RPRD1B: variants seen among roughly 807,000 people sequenced by gnomAD.
RPRD1B encodes regulation of nuclear pre-mRNA domain-containing protein 1B.
A neutral mutation model predicts 41.5 loss-of-function variants in RPRD1B; 11 were observed. The observed-to-expected ratio is 0.27, with a 90% CI of 0.17 to 0.44. The LOEUF is 0.44. Among genes scored for constraint, RPRD1B ranks in the 20% least tolerant of loss-of-function variants. The pLI, the probability that RPRD1B is intolerant of heterozygous loss-of-function variation, is 1.00. For synonymous variants in RPRD1B, 158 were observed against 155.6 expected (o/e 1.02, Z -0.12); for missense variants, 248 against 389.9 (o/e 0.64, Z 3.06).
At position 38,035,424 on chromosome 20, in the gene RPRD1B, C is replaced by T. The variant is rs578000512; in HGVS notation, c.151+1326C>T. Reference sequence around the variant, plus strand: ...TCTACAGGTGAGGAAACTGAAGTGGCTAAGTGGTATTTTCAAGGCTTTCGA... The same window carrying T: ...TCTACAGGTGAGGAAACTGAAGTGGTTAAGTGGTATTTTCAAGGCTTTCGA... On this transcript the variant is annotated intron_variant, in intron 1 of 6. Coordinates refer to ENST00000373433, the MANE Select transcript of RPRD1B (RefSeq NM_021215.4). Among the ~76,000 whole-genome samples, 3 of 152,324 alleles carry T rather than the reference C, an allele frequency of 2.0e-5. No homozygotes were observed. The South Asian group carries it at 6.2e-4, about 32-fold the overall frequency.
intron 6 of RPRD1B, among the ~76,000 whole-genome samples, chr20:38,072,127 C>T (rs1364548187): frequency 6.6e-6 from 1 of 152,054 alleles, no homozygotes; most frequent in Non-Finnish European, 1.5e-5. Flanking sequence ...GTGTTTTCTT[C>T]TAGAAGTTTT....
intron 1 of RPRD1B, among the ~76,000 whole-genome samples, chr20:38,038,468 C>G (rs2074026359): frequency 6.7e-6 from 1 of 150,002 alleles, no homozygotes; most frequent in African/African-American, 2.5e-5. Flanking sequence ...TGGCACCACG[C>G]CCGGCTGATT....
intron 5 of RPRD1B, among the ~76,000 whole-genome samples, chr20:38,061,491 C>T (rs966944319): frequency 8.5e-5 from 13 of 152,228 alleles, no homozygotes; most frequent in African/African-American, 3.1e-4. Flanking sequence ...TAGCCAAGGC[C>T]ATTGCTCCAA....
chr20:38,088,226 C>A (rs1015896970), intron 6 of RPRD1B, among the ~76,000 whole-genome samples: 1 of 152,198 alleles, frequency 6.6e-6, no homozygotes, highest in Admixed American at 6.5e-5. Context: ...ACAACTTGAA[C>A]TAAGTATTCT....
intron 3 of RPRD1B, among the ~76,000 whole-genome samples, chr20:38,051,613 T>C (rs1037718990): frequency 3.3e-5 from 5 of 152,248 alleles, no homozygotes; most frequent in African/African-American, 1.2e-4. Context: ...AAAGCTGATA[T>C]TCTTCACACT....
intron 2 of RPRD1B, among the ~76,000 whole-genome samples, chr20:38,043,192 G>A (rs532866922): frequency 1.3e-5 from 2 of 152,336 alleles, no homozygotes; most frequent in African/African-American, 4.8e-5. Flanking sequence ...AGGTAGTGTG[G>A]TTCAGGAAGG....
intron 6 of RPRD1B, among the ~76,000 whole-genome samples, chr20:38,075,051 G>A (rs911976227): frequency 5.3e-5 from 8 of 152,180 alleles, no homozygotes; most frequent in Non-Finnish European, 7.3e-5. Context: ...GCACTTGTAT[G>A]TTTCTGTCTC....
intron 4 of RPRD1B, among the ~76,000 whole-genome samples, chr20:38,058,807 A>C (rs150091733): frequency 1.2e-3 from 184 of 152,240 alleles, no homozygotes; most frequent in Non-Finnish European, 2.4e-3. Flanking sequence ...CTGGGGCTCA[A>C]GTGATACTCC....
intron 5 of RPRD1B, among the ~76,000 whole-genome samples, chr20:38,061,867 C>T (rs144482761): frequency 6.6e-6 from 1 of 152,132 alleles, no homozygotes; most frequent in African/African-American, 2.4e-5. Flanking sequence ...CCTGACCCCC[C>T]ACCCCGCAAA....
In RPRD1B at chr20:38,034,100, T is replaced by TA. The variant is rs757264961; in HGVS notation, c.151+5dup. ...TGTGGCACCGCGAGCTCCGCAAAGG[T>TA]AAACACCAAATCCCCACCCCCTGGA... On this transcript the variant is annotated splice_region_variant and intron_variant, in intron 1 of 6. Coordinates refer to ENST00000373433, the MANE Select transcript of RPRD1B (RefSeq NM_021215.4). 76 of 1,612,398 alleles carry TA rather than the reference T, an allele frequency of 4.7e-5. No individual in the cohort carries two copies. The highest frequency in any genetic ancestry group is 6.4e-5 in the Non-Finnish European group (76 of 1,179,074).
rs2074353376 is a variant in RPRD1B, at chr20:38,066,187, G to T, written c.762G>T (p.Leu254=). The change falls in exon 6 of 7, where the codon CTG becomes CTT. Residue 254 remains leucine (L), a synonymous_variant. Coordinates refer to ENST00000373433, the MANE Select transcript of RPRD1B (RefSeq NM_021215.4). ...CAGAACTGGAGGACCGTCGCCAGCT[G>T]GCTCGGATGTTGGTGGAGTATACCC... is the stretch of plus-strand genomic sequence containing the variant. ...LAAELEDRRQ[L]ARMLVEYTQN... is the part of the protein sequence containing the mutation. 6.2e-7 allele frequency: 1 copy of T among 1,614,180 alleles called. No individual in the cohort carries two copies. The highest frequency in any genetic ancestry group is 1.3e-5 in the African/African-American group (1 of 75,046).
chr20:38,049,721 G>A (rs2074163587), intron 3 of RPRD1B: 1 of 471,072 alleles, frequency 2.1e-6, no homozygotes, highest in Non-Finnish European at 4.4e-6. Context: ...TTGGCTTCTG[G>A]TTAGTTGTGG....
intron 3 of RPRD1B, among the ~76,000 whole-genome samples, chr20:38,050,456 G>T (rs1313598755): frequency 6.6e-6 from 1 of 152,176 alleles, no homozygotes; most frequent in Middle Eastern, 3.2e-3. Flanking sequence ...GAATTACTCA[G>T]CATTCTTTAC....
At chr20:38,055,978 C>T (rs925676296) in intron 3 of RPRD1B, among the ~76,000 whole-genome samples, 1 of 152,132 alleles carries the variant, frequency 6.6e-6, no homozygotes, top group African/African-American at 2.4e-5. Context: ...GGACTGGTGT[C>T]ATTTAACGAA....
Position 38,033,850 on chromosome 20 carries a change from C to T in RPRD1B, c.-98C>T. On this transcript the variant is annotated 5_prime_UTR_variant, in exon 1 of 7. Transcript: ENST00000373433. ...GCAGTCTGTCAGTCGGTAAAAAGTC[C>T]CGCAGCCTGTCAGGTGAGGCCCCGG... 2 of 1,267,300 alleles carry T rather than the reference C, an allele frequency of 1.6e-6. No homozygotes were observed. Among genetic ancestry groups the T allele is most frequent in the Non-Finnish European group, 2.1e-6 (2 of 931,880 alleles). 78.5% of individuals were successfully genotyped at this position (1,267,300 alleles called of 1,614,324 possible).
intron 6 of RPRD1B, among the ~76,000 whole-genome samples, chr20:38,084,259 A>C (rs777827406): frequency 1.4e-4 from 21 of 152,020 alleles, no homozygotes; most frequent in Non-Finnish European, 2.5e-4. Context: ...GTCACCTTTA[A>C]AAGAGGGGCC....
chr20:38,038,202 T>C (rs911708985), intron 1 of RPRD1B, among the ~76,000 whole-genome samples: 1 of 152,182 alleles, frequency 6.6e-6, no homozygotes, highest in Admixed American at 6.5e-5. Flanking sequence ...ATTCAGGGTA[T>C]CCATATTTAA....
At chr20:38,069,234 A>G (rs2074387918) in intron 6 of RPRD1B, among the ~76,000 whole-genome samples, 1 of 152,124 alleles carries the variant, frequency 6.6e-6, no homozygotes, top group Non-Finnish European at 1.5e-5. Context: ...CCTAGGATGT[A>G]GGAGAGGGAA....
At chr20:38,052,233 C>T (rs758761845) in intron 3 of RPRD1B, among the ~76,000 whole-genome samples, 3 of 152,206 alleles carry the variant, frequency 2.0e-5, no homozygotes, top group Non-Finnish European at 2.9e-5. Flanking sequence ...TTGTTTGCCC[C>T]TGCCAGTTCT....
Sources: gnomAD v4.1 joint callset for allele counts (sites outside exome capture counted in the v4.1 genomes callset) on GRCh38, gnomAD v4.1.1 for gene constraint, MANE v1.5 for transcripts, NCBI Gene and HGNC (gene_info 2026-07-23, HGNC 2026-07-21) for gene names.